The following PTGFRN variants were observed in gnomAD, a reference collection of about 807,000 sequenced individuals.
The protein encoded by PTGFRN is prostaglandin F2 receptor inhibitor.
A neutral mutation model predicts 83.2 loss-of-function variants in PTGFRN; 35 were observed. That is an observed-to-expected ratio of 0.42 (90% CI 0.32 to 0.56). The LOEUF is 0.56. PTGFRN is among the 20% of genes least tolerant of loss of function. The pLI, the probability that PTGFRN is intolerant of heterozygous loss-of-function variation, is 0.11. For missense variants in PTGFRN, 1,051 were observed against 1,179.5 expected (o/e 0.89, Z 1.60); for synonymous variants, 519 against 498.6 (o/e 1.04, Z -0.55).
chr1:116,910,738 G>C (rs1000257193), intron 1 of PTGFRN, among the ~76,000 whole-genome samples: 7 of 152,136 alleles, frequency 4.6e-5, no homozygotes, highest in African/African-American at 1.7e-4. Context: ...AGGGAAGCGA[G>C]AGAATCCTCC....
At chr1:116,922,393 A>G (rs535383754) in intron 1 of PTGFRN, among the ~76,000 whole-genome samples, 8 of 152,340 alleles carry the variant, frequency 5.3e-5, no homozygotes, top group South Asian at 2.1e-4. Context: ...TATGGAAACA[A>G]GGTTTATGCA....
chr1:116,932,629 C>T (rs1331954671), intron 1 of PTGFRN, among the ~76,000 whole-genome samples: 1 of 152,066 alleles, frequency 6.6e-6, no homozygotes, highest in African/African-American at 2.4e-5. Context: ...CTTCTATTCT[C>T]TCATCTGTCT....
At chr1:116,940,733 C>G (rs978507064) in intron 1 of PTGFRN, among the ~76,000 whole-genome samples, 5 of 152,228 alleles carry the variant, frequency 3.3e-5, no homozygotes, top group African/African-American at 1.2e-4. Flanking sequence ...AGAGGTCTCT[C>G]AGATTGCAAC....
intron 4 of PTGFRN, among the ~76,000 whole-genome samples, chr1:116,960,825 C>T (rs558851720): frequency 6.6e-6 from 1 of 152,154 alleles, no homozygotes. Flanking sequence ...TTTTCCGATA[C>T]TGTTCCAGTG....
chr1:116,952,856 G>A lies in PTGFRN; in HGVS notation c.1213+3284G>A, dbSNP rs1343535284. ...ATATCCACCCTCTATAAAAGCTGAG[G>A]ACATAAATCTTAAGTGTGTGAAGGG... On this transcript the variant is annotated intron_variant, in intron 4 of 8. Transcript: ENST00000393203. This position sits in a 1 kb window ranked among gnomAD's most constrained non-coding sequence, Gnocchi z 4.0. Among the ~76,000 whole-genome samples the A allele has an allele frequency of 6.6e-6, 1 of 152,222 alleles. No individual in the cohort carries two copies. Among genetic ancestry groups the A allele is most frequent in the Non-Finnish European group, 1.5e-5 (1 of 68,040 alleles).
intron 6 of PTGFRN, among the ~76,000 whole-genome samples, chr1:116,971,453 G>C (rs1650990891): frequency 6.6e-6 from 1 of 152,104 alleles, no homozygotes; most frequent in South Asian, 2.1e-4. Flanking sequence ...GGAATTGGGG[G>C]ACCCCTAGTG....
intron 6 of PTGFRN, among the ~76,000 whole-genome samples, chr1:116,973,169 C>T (rs758083663): frequency 9.2e-5 from 14 of 152,088 alleles, no homozygotes; most frequent in Non-Finnish European, 1.5e-4. Flanking sequence ...CTACCTGCCT[C>T]GGCCTCCCAA....
intron 7 of PTGFRN, among the ~76,000 whole-genome samples, chr1:116,981,501 G>T (rs900329732): frequency 6.6e-6 from 1 of 152,224 alleles, no homozygotes; most frequent in Non-Finnish European, 1.5e-5. Context: ...AGCAAAGGGC[G>T]GTGGCCTGCA....
chr1:116,984,734 A>G lies in PTGFRN; in HGVS notation c.2222A>G (p.Lys741Arg). 1 of 1,614,150 alleles carries G rather than the reference A, an allele frequency of 6.2e-7. No homozygotes were observed. The highest frequency in any genetic ancestry group is 8.5e-7 in the Non-Finnish European group (1 of 1,180,008). ...GCGGTGCACTCTTTTGGCCTGGACA[A>G]GGCTCCTGTGCTCCTGTCTTCCCTG... ...WFAVHSFGLD[K>R]APVLLSSLDR... is the part of the protein sequence containing the mutation. The change falls in exon 8 of 9, where the codon AAG becomes AGG. Residue 741 changes from lysine to arginine, a missense_variant. By Grantham distance (26) the Lys-to-Arg change is conservative (BLOSUM62 2). Around this residue, in one of 3 missense-constraint regions of PTGFRN, gnomAD observed 719 missense variants for 836.6 expected, o/e 0.86. Transcript: ENST00000393203.
intron 1 of PTGFRN, among the ~76,000 whole-genome samples, chr1:116,912,445 G>C (rs1239590271): frequency 6.6e-6 from 1 of 152,044 alleles, no homozygotes; most frequent in Non-Finnish European, 1.5e-5. Flanking sequence ...TTCCTCCTGG[G>C]GTGTAACCTG....
intron 6 of PTGFRN, among the ~76,000 whole-genome samples, chr1:116,971,010 G>A (rs890169786): frequency 1.1e-4 from 16 of 152,096 alleles, no homozygotes; most frequent in Admixed American, 2.0e-4. Context: ...TTTTTTCTTC[G>A]TAATATATAG....
At chr1:116,925,988 A>G (rs1649648554) in intron 1 of PTGFRN, among the ~76,000 whole-genome samples, 1 of 152,228 alleles carries the variant, frequency 6.6e-6, no homozygotes, top group Non-Finnish European at 1.5e-5. Flanking sequence ...CTCCTTACTG[A>G]GCCTCATCAG....
rs575908344 is a variant in PTGFRN at position 116,974,441 on chromosome 1, C to T, written c.2167+118C>T. ...ATAGGATTATCTATTTATCCCCTAACTGCCTGGCCCAGTACTTTGTACTCA... is the reference window on the plus strand; with the variant it reads ...ATAGGATTATCTATTTATCCCCTAATTGCCTGGCCCAGTACTTTGTACTCA... On this transcript the variant is annotated intron_variant, in intron 7 of 8. Transcript: ENST00000393203. 5.3e-6 allele frequency: 4 copies of T among 752,938 alleles called. No individual in the cohort carries two copies. The South Asian group carries it at 7.3e-5, about 14-fold the overall frequency. The allele number at this position is 752,938 out of a possible 1,614,324, so 46.6% of individuals were successfully genotyped here.
chr1:116,943,012 A>C (rs1650098401), intron 2 of PTGFRN, among the ~76,000 whole-genome samples: 1 of 152,212 alleles, frequency 6.6e-6, no homozygotes, highest in Non-Finnish European at 1.5e-5. Context: ...TGTTATTGTT[A>C]CTTAATTATG....
intron 4 of PTGFRN, among the ~76,000 whole-genome samples, chr1:116,959,592 C>T (rs2101075106): frequency 6.6e-6 from 1 of 152,200 alleles, no homozygotes; most frequent in East Asian, 1.9e-4. Flanking sequence ...CAAGGTGATG[C>T]AGATAAAGAT....
At chr1:116,984,085 T>G (rs974717491) in intron 7 of PTGFRN, among the ~76,000 whole-genome samples, 3 of 152,214 alleles carry the variant, frequency 2.0e-5, no homozygotes, top group African/African-American at 7.2e-5. Context: ...AGCTTGACAT[T>G]TTTTTTCCTC....
chr1:116,985,905 T>A (rs1211489833), intron 8 of PTGFRN, among the ~76,000 whole-genome samples: 1 of 152,146 alleles, frequency 6.6e-6, no homozygotes, highest in Non-Finnish European at 1.5e-5. Flanking sequence ...AAAAAACATG[T>A]CTCCTTTGTG....
At chr1:116,932,632 A>G (rs540609554) in intron 1 of PTGFRN, among the ~76,000 whole-genome samples, 146 of 152,256 alleles carry the variant, frequency 9.6e-4, no homozygotes, top group African/African-American at 3.4e-3. Flanking sequence ...CTATTCTCTC[A>G]TCTGTCTACT....
chr1:116,968,330 A>G (rs984245522), intron 6 of PTGFRN, among the ~76,000 whole-genome samples: 1 of 152,146 alleles, frequency 6.6e-6, no homozygotes, highest in Non-Finnish European at 1.5e-5. Flanking sequence ...TAGCATTTAT[A>G]TTAAAGGTAA....
Sources: gnomAD v4.1 joint callset for allele counts (sites outside exome capture counted in the v4.1 genomes callset) on GRCh38, gnomAD v4.1.1 for gene constraint, gnomAD v4.1.1 regional missense constraint, Gnocchi (gnomAD v3.1) non-coding constraint, MANE v1.5 for transcripts, NCBI Gene and HGNC (gene_info 2026-07-23, HGNC 2026-07-21) for gene names.